DIP2C: variants seen among roughly 807,000 people sequenced by gnomAD.
The protein encoded by DIP2C is DIP2 acetate--CoA ligase C (putative).
Under a neutral mutation model 192.4 loss-of-function variants are expected in DIP2C, and 33 were observed. The ratio of observed to expected loss-of-function variants is 0.17; its 90% CI spans 0.13 to 0.23. The LOEUF is 0.23. DIP2C is among the 10% of genes least tolerant of loss of function. DIP2C has a pLI of 1.00. For synonymous variants in DIP2C, 979 were observed against 864.1 expected (o/e 1.13, Z -2.33); for missense variants, 1,537 against 2,110.1 (o/e 0.73, Z 5.32).
At chr10:672,276 C>T (rs1274623472) in intron 1 of DIP2C, among the ~76,000 whole-genome samples, 3 of 149,708 alleles carry the variant, frequency 2.0e-5, no homozygotes, top group African/African-American at 7.4e-5. Context: ...GAGGCACGCA[C>T]GGAGAAAACA....
chr10:387,706 T>C, intron 14 of DIP2C, 39 bp downstream of exon 14: 4 of 1,596,340 alleles, frequency 2.5e-6, no homozygotes, highest in Non-Finnish European at 3.4e-6. Flanking sequence ...GGTGGGGGAC[T>C]CCTTTGTGGA....
intron 29 of DIP2C, among the ~76,000 whole-genome samples, chr10:339,130 T>C (rs1282880499): frequency 6.6e-6 from 1 of 152,096 alleles, no homozygotes; most frequent in Non-Finnish European, 1.5e-5. Flanking sequence ...CAGGGCCTCT[T>C]CTGCCTGATT....
At chr10:595,227 C>G (rs1413391677) in intron 1 of DIP2C, among the ~76,000 whole-genome samples, 1 of 152,216 alleles carries the variant, frequency 6.6e-6, no homozygotes, top group South Asian at 2.1e-4. Flanking sequence ...CGTCCCCTCA[C>G]GCAGGTTTAC....
At chr10:412,540 C>T (rs1253919230) in intron 8 of DIP2C, among the ~76,000 whole-genome samples, 1 of 152,194 alleles carries the variant, frequency 6.6e-6, no homozygotes, top group African/African-American at 2.4e-5. Context: ...CACACACTGT[C>T]CATTTAAAAC....
chr10:616,086 C>G (rs1209923587), intron 1 of DIP2C, among the ~76,000 whole-genome samples: 1 of 152,144 alleles, frequency 6.6e-6, no homozygotes, highest in Non-Finnish European at 1.5e-5. Context: ...TGTAATGACT[C>G]CAGGCACTTC....
At chr10:329,348 A>T in intron 30 of DIP2C, 85 bp downstream of exon 30, 1 of 1,409,480 alleles carries the variant, frequency 7.1e-7, no homozygotes, top group Non-Finnish European at 9.4e-7. Flanking sequence ...GGACTGTTTT[A>T]ACTTCACCCC....
intron 10 of DIP2C, among the ~76,000 whole-genome samples, chr10:397,527 C>CA (rs370992251): frequency 0.024 from 3,107 of 132,064 alleles, 112 homozygotes; most frequent in African/African-American, 0.068. Flanking sequence ...GACTCCATCT[C>CA]AAAAAAAAAA....
At chr10:592,835 G>A (rs929259403) in intron 1 of DIP2C, among the ~76,000 whole-genome samples, 4 of 152,102 alleles carry the variant, frequency 2.6e-5, no homozygotes, top group African/African-American at 9.7e-5. Context: ...TGTACGAGCC[G>A]TCCCTGCTCG....
At chr10:541,418 C>T (rs978005736) in intron 1 of DIP2C, among the ~76,000 whole-genome samples, 3 of 151,256 alleles carry the variant, frequency 2.0e-5, no homozygotes, top group African/African-American at 4.9e-5. Flanking sequence ...CACCCCACAT[C>T]GTGACCCTCC....
At chr10:410,059 C>T (rs1351508130) in intron 8 of DIP2C, among the ~76,000 whole-genome samples, 1 of 152,212 alleles carries the variant, frequency 6.6e-6, no homozygotes, top group Admixed American at 6.5e-5. Context: ...TAAATCCAAA[C>T]ACTAAATCAG....
intron 1 of DIP2C, among the ~76,000 whole-genome samples, chr10:539,986 T>C (rs1041470818): frequency 2.8e-4 from 42 of 152,334 alleles, no homozygotes; most frequent in African/African-American, 9.1e-4. Flanking sequence ...AAAAAAGCCA[T>C]TTGCAGAAAG....
intron 1 of DIP2C, among the ~76,000 whole-genome samples, chr10:576,275 A>G (rs58905045): frequency 0.17 from 26,304 of 152,198 alleles, 3,277 homozygotes; most frequent in African/African-American, 0.34. Flanking sequence ...CCAAAGCAAC[A>G]CTGCGAGGCA....
intron 29 of DIP2C, among the ~76,000 whole-genome samples, chr10:336,895 G>GCT (rs1554822383): frequency 9.8e-5 from 9 of 91,750 alleles, no homozygotes; most frequent in African/African-American, 3.0e-4. Flanking sequence ...GGCCTAGGCA[G>GCT]GTGTGTGTGT....
chr10:381,754 G>A (rs1047027477), intron 17 of DIP2C, among the ~76,000 whole-genome samples: 10 of 152,110 alleles, frequency 6.6e-5, no homozygotes, highest in Admixed American at 3.3e-4. Context: ...TTGCAAGCAG[G>A]TCTCCTGCAC....
intron 7 of DIP2C, among the ~76,000 whole-genome samples, chr10:414,739 G>GTGTGTATATA: frequency 0.016 from 1,450 of 90,494 alleles, 98 homozygotes; most frequent in East Asian, 0.042. Flanking sequence ...GTGTGTGTGT[G>GTGTGTATATA]TACATATATA....
chr10:413,792 G>A, intron 8 of DIP2C, 121 bp downstream of exon 8: 10 of 1,287,132 alleles, frequency 7.8e-6, no homozygotes, highest in Non-Finnish European at 1.1e-5. Flanking sequence ...GTGGGCAAAG[G>A]GCAGAGGGTT....
At chr10:427,707 T>A (rs1286227797) in intron 4 of DIP2C, among the ~76,000 whole-genome samples, 1 of 152,202 alleles carries the variant, frequency 6.6e-6, no homozygotes, top group African/African-American at 2.4e-5. Flanking sequence ...AAATACACAA[T>A]GATATACCAT....
intron 29 of DIP2C, 62 bp from the exon 30 acceptor site, chr10:329,663 G>A: frequency 1.0e-6 from 1 of 957,842 alleles, no homozygotes. Context: ...CAGCAAGGCT[G>A]GAGGGCTCAG....
intron 1 of DIP2C, among the ~76,000 whole-genome samples, chr10:655,296 C>T (rs1856210939): frequency 2.0e-5 from 3 of 152,236 alleles, no homozygotes; most frequent in African/African-American, 7.2e-5. Context: ...TCTTCGATGT[C>T]CATGTGTCTG....
Sources: allele counts gnomAD v4.1 joint callset (sites outside exome capture counted in the v4.1 genomes callset), GRCh38; gene constraint gnomAD v4.1.1; transcripts MANE v1.5; gene names NCBI Gene and HGNC (gene_info 2026-07-23, HGNC 2026-07-21).